PTPRD: variants seen among roughly 807,000 people sequenced by gnomAD.
PTPRD encodes the protein protein tyrosine phosphatase receptor type D, also known as receptor-type tyrosine-protein phosphatase delta.
In PTPRD, 34 loss-of-function variants were observed where a neutral mutation model predicts 214.5. The ratio of observed to expected loss-of-function variants is 0.16; its 90% CI spans 0.12 to 0.21. The LOEUF (loss-of-function observed/expected upper bound fraction) is 0.21. Ranked by LOEUF, PTPRD falls within the 10% of genes least tolerant of loss-of-function variation. PTPRD has a pLI of 1.00. For missense variants in PTPRD, 2,545 were observed against 2,398.7 expected (o/e 1.06, Z -1.27); for synonymous variants, 1,128 against 845.7 (o/e 1.33, Z -5.79).
At chr9:9,450,950 T>TACACACACACACACACACAC (rs145703989) in intron 8 of PTPRD, among the ~76,000 whole-genome samples, 73 of 136,624 alleles carry the variant, frequency 5.3e-4, no homozygotes, top group African/African-American at 8.7e-4. Context: ...CATACATACA[T>TACACACACACACACACACAC]ACACACACAC....
chr9:10,603,753 G>A (rs773900482), intron 2 of PTPRD, among the ~76,000 whole-genome samples: 1 of 151,798 alleles, frequency 6.6e-6, no homozygotes, highest in Non-Finnish European at 1.5e-5. Flanking sequence ...AAGAACTCAT[G>A]AGGCAGTATA....
intron 14 of PTPRD, among the ~76,000 whole-genome samples, chr9:8,540,663 T>C (rs2078173128): frequency 6.6e-6 from 1 of 152,044 alleles, no homozygotes; most frequent in African/African-American, 2.4e-5. Context: ...CCAAATGTTA[T>C]TTTTTTAAGC....
chr9:9,782,867 T>G (rs1006966260), intron 5 of PTPRD, among the ~76,000 whole-genome samples: 1 of 152,220 alleles, frequency 6.6e-6, no homozygotes, highest in East Asian at 1.9e-4. Context: ...TGGATACATC[T>G]GCTTCCTTGG....
intron 3 of PTPRD, among the ~76,000 whole-genome samples, chr9:10,282,197 A>C (rs1289818009): frequency 6.6e-6 from 1 of 152,158 alleles, no homozygotes; most frequent in Non-Finnish European, 1.5e-5. Flanking sequence ...AATTTACTTA[A>C]TATCCTTTGC....
chr9:9,176,573 A>G (rs1396597480), intron 10 of PTPRD, among the ~76,000 whole-genome samples: 1 of 152,154 alleles, frequency 6.6e-6, no homozygotes, highest in Non-Finnish European at 1.5e-5. Flanking sequence ...TGCTAATGTA[A>G]TGGTGTTGGG....
At chr9:8,363,676 A>G (rs1245148145) in intron 39 of PTPRD, among the ~76,000 whole-genome samples, 1 of 152,238 alleles carries the variant, frequency 6.6e-6, no homozygotes, top group Non-Finnish European at 1.5e-5. Flanking sequence ...GAAATTAATA[A>G]GCCTTTGCAG....
chr9:8,928,788 G>A (rs1038486930), intron 11 of PTPRD, among the ~76,000 whole-genome samples: 1 of 152,104 alleles, frequency 6.6e-6, no homozygotes, highest in South Asian at 2.1e-4. Flanking sequence ...AGGTAATATG[G>A]CCATTTTCAT....
chr9:10,420,226 T>C (rs1008933361), intron 2 of PTPRD, among the ~76,000 whole-genome samples: 1 of 151,878 alleles, frequency 6.6e-6, no homozygotes, highest in African/African-American at 2.4e-5. Context: ...ATAATAATAA[T>C]TTCTATCAGG....
chr9:9,561,661 A>T (rs2082985393), intron 8 of PTPRD, among the ~76,000 whole-genome samples: 1 of 152,222 alleles, frequency 6.6e-6, no homozygotes, highest in Non-Finnish European at 1.5e-5. Flanking sequence ...ACTGAAAAAA[A>T]CACTCTTACT....
At chr9:9,290,758 A>G (rs952187910) in intron 9 of PTPRD, among the ~76,000 whole-genome samples, 7 of 151,584 alleles carry the variant, frequency 4.6e-5, no homozygotes, top group Non-Finnish European at 1.0e-4. Context: ...GAAATGATTT[A>G]TAAACATGGG....
chr9:10,045,565 G>C (rs915574505), intron 3 of PTPRD, among the ~76,000 whole-genome samples: 3 of 151,572 alleles, frequency 2.0e-5, no homozygotes, highest in African/African-American at 7.3e-5. Context: ...ATATGTTTCA[G>C]CTATCATTTT....
intron 3 of PTPRD, among the ~76,000 whole-genome samples, chr9:10,050,108 G>T (rs1255201660): frequency 6.6e-6 from 1 of 152,048 alleles, no homozygotes; most frequent in Admixed American, 6.6e-5. Flanking sequence ...TCGAATTAAA[G>T]GACCAATGGG....
intron 3 of PTPRD, among the ~76,000 whole-genome samples, chr9:10,054,843 T>C (rs991313587): frequency 6.6e-6 from 1 of 152,100 alleles, no homozygotes; most frequent in African/African-American, 2.4e-5. Flanking sequence ...AAACTGAATG[T>C]TTTTGTCCCC....
At chr9:9,828,739 T>C (rs1565577052) in intron 5 of PTPRD, among the ~76,000 whole-genome samples, 1 of 151,854 alleles carries the variant, frequency 6.6e-6, no homozygotes, top group Non-Finnish European at 1.5e-5. Flanking sequence ...ACTTTGCTTG[T>C]AGTTAGTTAC....
At chr9:10,287,722 G>A (rs1221133555) in intron 3 of PTPRD, among the ~76,000 whole-genome samples, 1 of 152,020 alleles carries the variant, frequency 6.6e-6, no homozygotes. Context: ...ATATTGCTAT[G>A]CACTCTCTCT....
chr9:9,344,015 G>C lies in PTPRD; in HGVS notation c.-203+53434C>G, dbSNP rs1324980627. On this transcript the variant is annotated intron_variant, in intron 9 of 45. Coordinates refer to ENST00000381196, the MANE Select transcript of PTPRD (RefSeq NM_002839.4). Reference sequence around the variant, plus strand: ...CACACATTAATAATATGTATCTTAGGTGCTATATATGTTTATCTTCTAGAT... The same window carrying C: ...CACACATTAATAATATGTATCTTAGCTGCTATATATGTTTATCTTCTAGAT... 2.6e-5 allele frequency among the ~76,000 whole-genome samples: 4 copies of C among 151,952 alleles called. No individual in the cohort carries two copies. In the East Asian group the frequency reaches 7.7e-4, roughly 29 times the overall value.
At chr9:8,607,147 T>G (rs1305184617) in intron 14 of PTPRD, among the ~76,000 whole-genome samples, 2 of 152,154 alleles carry the variant, frequency 1.3e-5, no homozygotes, top group Non-Finnish European at 2.9e-5. Flanking sequence ...TATTATATTC[T>G]TGAAAAATGC....
chr9:10,208,507 G>A (rs61458589), intron 3 of PTPRD, among the ~76,000 whole-genome samples: 2 of 152,138 alleles, frequency 1.3e-5, no homozygotes, highest in African/African-American at 2.4e-5. Flanking sequence ...GAGCGAGACT[G>A]CGTCTCAAAA....
chr9:10,364,004 T>TTTTTTG, intron 2 of PTPRD, among the ~76,000 whole-genome samples: 1 of 130,086 alleles, frequency 7.7e-6, no homozygotes, highest in African/African-American at 3.1e-5. Context: ...TTTTTTTTTT[T>TTTTTTG]TTTTTTTTTT....
Sources: allele counts gnomAD v4.1 joint callset (sites outside exome capture counted in the v4.1 genomes callset), GRCh38; gene constraint gnomAD v4.1.1; transcripts MANE v1.5; gene names NCBI Gene and HGNC (gene_info 2026-07-23, HGNC 2026-07-21).